GALNT13: variants seen among roughly 807,000 people sequenced by gnomAD.
The protein encoded by GALNT13 is UDP-GalNAc:polypeptide N-acetylgalactosaminyltransferase 13.
GALNT13 carries 28 observed loss-of-function variants against 64.2 expected under a neutral mutation model. The ratio of observed to expected loss-of-function variants is 0.44; its 90% CI spans 0.32 to 0.60. The LOEUF (loss-of-function observed/expected upper bound fraction) is 0.60, where lower values mean the gene tolerates loss of function less well. Among genes scored for constraint, GALNT13 ranks in the 20% least tolerant of loss-of-function variants. GALNT13 has a pLI of 0.05. For synonymous variants in GALNT13, 214 were observed against 224.6 expected (o/e 0.95, Z 0.42); for missense variants, 577 against 669.8 (o/e 0.86, Z 1.53).
At chr2:153,596,472 C>T in the GALNT13 span, among the ~76,000 whole-genome samples, 2 of 151,806 alleles carry the variant, frequency 1.3e-5, no homozygotes, top group Non-Finnish European at 2.9e-5. Flanking sequence ...TTTGCAACAT[C>T]GAAATTAGAA....
chr2:153,165,055 G>C, the GALNT13 span, among the ~76,000 whole-genome samples: 9 of 152,172 alleles, frequency 5.9e-5, no homozygotes, highest in African/African-American at 1.9e-4. Context: ...AATATCTTCT[G>C]ACCTGCATAT....
chr2:153,474,509 T>C, the GALNT13 span, among the ~76,000 whole-genome samples: 13 of 152,206 alleles, frequency 8.5e-5, no homozygotes, highest in African/African-American at 3.1e-4. Flanking sequence ...ACCTCTGCTT[T>C]CACTTCCTTA....
chr2:153,686,922 T>G, the GALNT13 span, among the ~76,000 whole-genome samples: 1 of 152,268 alleles, frequency 6.6e-6, no homozygotes, highest in East Asian at 1.9e-4. Flanking sequence ...TCTTTAGTTC[T>G]GTTTTTGTGA....
At chr2:153,767,885 T>A in the GALNT13 span, among the ~76,000 whole-genome samples, 4 of 152,150 alleles carry the variant, frequency 2.6e-5, no homozygotes, top group African/African-American at 9.7e-5. Flanking sequence ...AAATATTTTC[T>A]CTGATTATTT....
chr2:153,885,010 G>A (rs1462950364), intron 1 of GALNT13, among the ~76,000 whole-genome samples: 1 of 150,252 alleles, frequency 6.7e-6, no homozygotes, highest in Non-Finnish European at 1.5e-5. Flanking sequence ...TTGCACTCCA[G>A]CCTGGCAACA....
In GALNT13 at chr2:154,259,074, A is replaced by G; in HGVS notation, c.911A>G (p.Glu304Gly). Residue 304 changes from glutamate to glycine, a missense_variant, in exon 8 of 13, where the codon GAG becomes GGG. Around this residue, in one of 3 missense-constraint regions of GALNT13, gnomAD observed 341 missense variants for 379.3 expected, o/e 0.90. Coordinates refer to ENST00000392825, the MANE Select transcript of GALNT13 (RefSeq NM_052917.4). ...TCTATTGACAGAAACTACTTTGAAGAGATAGGAACTTACGATGCAGGAATG... is the reference window on the plus strand; with the variant it reads ...TCTATTGACAGAAACTACTTTGAAGGGATAGGAACTTACGATGCAGGAATG... ...LFSIDRNYFE[E>G]IGTYDAGMDI... 1.2e-6 allele frequency: 2 copies of G among 1,610,148 alleles called. No homozygotes were observed. Among genetic ancestry groups the G allele is most frequent in the Admixed American group, 1.7e-5 (1 of 59,504 alleles).
At chr2:153,269,665 C>T in the GALNT13 span, among the ~76,000 whole-genome samples, 15 of 152,168 alleles carry the variant, frequency 9.9e-5, no homozygotes, top group African/African-American at 2.9e-4. Context: ...TGTATTAGTT[C>T]GTTTTCACAC....
the GALNT13 span, among the ~76,000 whole-genome samples, chr2:153,252,759 T>G: frequency 6.6e-6 from 1 of 152,226 alleles, no homozygotes; most frequent in East Asian, 1.9e-4. Context: ...TTTTGTCAGG[T>G]TTGTCAAAGA....
chr2:153,726,622 G>A, the GALNT13 span, among the ~76,000 whole-genome samples: 1 of 151,922 alleles, frequency 6.6e-6, no homozygotes, highest in Non-Finnish European at 1.5e-5. Context: ...ACGTCATTTG[G>A]CTCATGTACC....
At chr2:154,013,614 G>A (rs1421828173) in intron 3 of GALNT13, among the ~76,000 whole-genome samples, 1 of 152,172 alleles carries the variant, frequency 6.6e-6, no homozygotes, top group Admixed American at 6.5e-5. Flanking sequence ...CACAGCAGGG[G>A]TGGGCTGCTG....
At chr2:153,948,554 G>A (rs1691939415) in intron 3 of GALNT13, among the ~76,000 whole-genome samples, 1 of 152,032 alleles carries the variant, frequency 6.6e-6, no homozygotes, top group African/African-American at 2.4e-5. Flanking sequence ...AGACATCCAT[G>A]CATATGTTCA....
chr2:153,963,268 G>A (rs749751800), intron 3 of GALNT13, among the ~76,000 whole-genome samples: 3 of 152,130 alleles, frequency 2.0e-5, no homozygotes, highest in Admixed American at 6.5e-5. Flanking sequence ...CCTCCATACT[G>A]GGAAACATTT....
chr2:153,214,064 T>G, the GALNT13 span, among the ~76,000 whole-genome samples: 1 of 152,206 alleles, frequency 6.6e-6, no homozygotes, highest in African/African-American at 2.4e-5. Context: ...GCTAAAAAAT[T>G]TGTTGTTAAC....
chr2:153,630,740 C>T, the GALNT13 span, among the ~76,000 whole-genome samples: 1 of 100,438 alleles, frequency 1.0e-5, no homozygotes, highest in East Asian at 3.2e-4. Context: ...GACCTGAAAC[C>T]ATAAAAAAAA....
At chr2:153,477,269 A>C in the GALNT13 span, 1 of 152,766 alleles carries the variant, frequency 6.5e-6, no homozygotes, top group African/African-American at 2.4e-5. Flanking sequence ...GCCGGGAGCC[A>C]GACTCCTCAC....
At chr2:153,102,452 T>C in the GALNT13 span, among the ~76,000 whole-genome samples, 4 of 152,190 alleles carry the variant, frequency 2.6e-5, no homozygotes, top group Non-Finnish European at 5.9e-5. Flanking sequence ...TTTACTCTAA[T>C]GGCTCCCCAA....
chr2:154,038,550 G>T (rs1359767726), intron 3 of GALNT13, among the ~76,000 whole-genome samples: 1 of 152,122 alleles, frequency 6.6e-6, no homozygotes, highest in African/African-American at 2.4e-5. Flanking sequence ...TAGGAAAACT[G>T]GATATATGCA....
chr2:153,879,497 T>C (rs1435371352), intron 1 of GALNT13, among the ~76,000 whole-genome samples: 1 of 151,830 alleles, frequency 6.6e-6, no homozygotes, highest in Non-Finnish European at 1.5e-5. Flanking sequence ...CCCAAGTAAC[T>C]AGGACTACAG....
chr2:153,246,474 A>G, the GALNT13 span, among the ~76,000 whole-genome samples: 4 of 152,226 alleles, frequency 2.6e-5, 1 homozygote, highest in Admixed American at 2.6e-4. Flanking sequence ...ACAAGCAAGA[A>G]GAGAGTGGGG....
Sources: gnomAD v4.1 joint callset for allele counts (sites outside exome capture counted in the v4.1 genomes callset) on GRCh38, gnomAD v4.1.1 for gene constraint, gnomAD v4.1.1 regional missense constraint, MANE v1.5 for transcripts, NCBI Gene and HGNC (gene_info 2026-07-23, HGNC 2026-07-21) for gene names.